The following FCHSD2 variants were observed in gnomAD, a reference collection of about 807,000 sequenced individuals.
FCHSD2 encodes FCH and double SH3 domains 2.
A neutral mutation model predicts 108.1 loss-of-function variants in FCHSD2; 38 were observed. The ratio of observed to expected loss-of-function variants is 0.35; its 90% CI spans 0.27 to 0.46. FCHSD2 has a LOEUF of 0.46. Among genes scored for constraint, FCHSD2 ranks in the 20% least tolerant of loss-of-function variants. The pLI, the probability that FCHSD2 is intolerant of heterozygous loss-of-function variation, is 1.00. For synonymous variants in FCHSD2, 279 were observed against 314.7 expected (o/e 0.89, Z 1.20); for missense variants, 751 against 897.8 (o/e 0.84, Z 2.09).
chr11:72,958,990 GAT>G (rs869028234), intron 8 of FCHSD2, among the ~76,000 whole-genome samples: 45 of 42,944 alleles, frequency 1.0e-3, no homozygotes, highest in South Asian at 2.2e-3. Flanking sequence ...TCATCAGTAA[GAT>G]ATGTGTGTGT....
At chr11:72,987,572 GTTAATA>G (rs1161238696) in intron 6 of FCHSD2, among the ~76,000 whole-genome samples, 7 of 152,150 alleles carry the variant, frequency 4.6e-5, no homozygotes, top group Admixed American at 1.3e-4. Flanking sequence ...TAGTTGAAAA[GTTAATA>G]TTAATATGTC....
intron 13 of FCHSD2, among the ~76,000 whole-genome samples, chr11:72,860,765 C>A (rs1861552867): frequency 6.6e-6 from 1 of 151,648 alleles, no homozygotes; most frequent in Non-Finnish European, 1.5e-5. Flanking sequence ...TTGCCGTCAG[C>A]TGAGATTGCA....
intron 13 of FCHSD2, among the ~76,000 whole-genome samples, chr11:72,858,415 C>T (rs537208541): frequency 2.6e-5 from 4 of 152,348 alleles, no homozygotes; most frequent in African/African-American, 4.8e-5. Context: ...GGTACATATA[C>T]ACCATGGAAT....
At chr11:72,863,787 C>T (rs1010200379) in intron 13 of FCHSD2, among the ~76,000 whole-genome samples, 1 of 152,312 alleles carries the variant, frequency 6.6e-6, no homozygotes, top group Admixed American at 6.5e-5. Flanking sequence ...TGATTTACAA[C>T]ATCACACCTA....
intron 17 of FCHSD2, 141 bp from the exon 18 acceptor site, chr11:72,841,724 T>A: frequency 2.4e-6 from 2 of 848,010 alleles, no homozygotes; most frequent in Non-Finnish European, 3.5e-6. Flanking sequence ...TAGAGGCAAC[T>A]GAGCATTAAA....
At chr11:73,005,153 C>T (rs1401100951) in intron 4 of FCHSD2, among the ~76,000 whole-genome samples, 1 of 152,188 alleles carries the variant, frequency 6.6e-6, no homozygotes, top group African/African-American at 2.4e-5. Flanking sequence ...TATAATATCT[C>T]CATTTGAAAA....
chr11:73,128,914 C>G (rs1346230764), intron 2 of FCHSD2, among the ~76,000 whole-genome samples: 1 of 152,124 alleles, frequency 6.6e-6, no homozygotes, highest in Non-Finnish European at 1.5e-5. Flanking sequence ...CTCTGTTGCC[C>G]AGGCTGGAGT....
chr11:72,956,500 T>C (rs577536496), intron 8 of FCHSD2, among the ~76,000 whole-genome samples: 1 of 152,358 alleles, frequency 6.6e-6, no homozygotes, highest in Non-Finnish European at 1.5e-5. Context: ...CAGGTTATTA[T>C]AATCAACTTT....
At chr11:72,956,052 C>A (rs1241781878) in intron 8 of FCHSD2, among the ~76,000 whole-genome samples, 1 of 152,072 alleles carries the variant, frequency 6.6e-6, no homozygotes, top group African/African-American at 2.4e-5. Flanking sequence ...ACATGATAAG[C>A]CTGGAACATC....
chr11:72,940,505 C>A lies in FCHSD2; in HGVS notation c.706-18555G>T, dbSNP rs543113931. On this transcript the variant is annotated intron_variant, in intron 8 of 19. Transcript: ENST00000409418. Reference sequence around the variant, plus strand: ...GCCATCAGGTAAGCCAAGATGGGTGCATACCCGCACATCCAGGAGCTATGG... The same window carrying A: ...GCCATCAGGTAAGCCAAGATGGGTGAATACCCGCACATCCAGGAGCTATGG... The A allele has an allele frequency of 7.0e-5, 56 of 798,772 alleles. No homozygotes were observed. In the South Asian group the frequency reaches 7.7e-4, roughly 11 times the overall value. 49.5% of individuals were successfully genotyped at this position (798,772 alleles called of 1,614,324 possible).
chr11:72,967,612 T>A (rs72981528), intron 8 of FCHSD2, among the ~76,000 whole-genome samples: 2,167 of 151,218 alleles, frequency 0.014, 29 homozygotes, highest in Middle Eastern at 0.038. Context: ...AACTAGGGAG[T>A]AGGGAGAACA....
chr11:72,923,388 T>C (rs1856011784), intron 8 of FCHSD2, among the ~76,000 whole-genome samples: 1 of 152,228 alleles, frequency 6.6e-6, no homozygotes, highest in Admixed American at 6.5e-5. Context: ...TGTTTTCCAG[T>C]GACTGCAACA....
chr11:72,855,464 A>C (rs1035307713), intron 13 of FCHSD2, among the ~76,000 whole-genome samples: 4 of 152,122 alleles, frequency 2.6e-5, no homozygotes, highest in Non-Finnish European at 5.9e-5. Context: ...TGACAGAGTG[A>C]GACTCCATCT....
At chr11:73,011,394 G>T (rs1857860837) in intron 4 of FCHSD2, among the ~76,000 whole-genome samples, 1 of 152,154 alleles carries the variant, frequency 6.6e-6, no homozygotes, top group South Asian at 2.1e-4. Flanking sequence ...AGGCTAGCAG[G>T]TGGGGAATAC....
intron 12 of FCHSD2, among the ~76,000 whole-genome samples, chr11:72,876,744 AAT>A (rs1422192738): frequency 6.6e-6 from 1 of 152,186 alleles, no homozygotes; most frequent in Non-Finnish European, 1.5e-5. Flanking sequence ...TTGTTCTATC[AAT>A]TACTGAAAGA....
At chr11:72,973,032 G>T (rs1028197849) in intron 8 of FCHSD2, among the ~76,000 whole-genome samples, 2 of 152,162 alleles carry the variant, frequency 1.3e-5, no homozygotes, top group African/African-American at 4.8e-5. Flanking sequence ...AGCACTGTTT[G>T]TAACAGTAAA....
chr11:73,121,464 G>A (rs1860733234), intron 2 of FCHSD2, among the ~76,000 whole-genome samples: 1 of 152,052 alleles, frequency 6.6e-6, no homozygotes, highest in African/African-American at 2.4e-5. Context: ...AAAATTAAAA[G>A]TTGTGATCTT....
chr11:72,842,282 C>T (rs569805158), intron 17 of FCHSD2, among the ~76,000 whole-genome samples: 12 of 152,340 alleles, frequency 7.9e-5, no homozygotes, highest in Middle Eastern at 3.4e-3. Flanking sequence ...AGTTTTACTA[C>T]GTAAATTAAC....
At chr11:72,966,712 T>A (rs2135379564) in intron 8 of FCHSD2, among the ~76,000 whole-genome samples, 1 of 152,184 alleles carries the variant, frequency 6.6e-6, no homozygotes, top group East Asian at 1.9e-4. Flanking sequence ...TTTCATGAAG[T>A]TTATAGTACA....
Sources: gnomAD v4.1 joint callset for allele counts (sites outside exome capture counted in the v4.1 genomes callset) on GRCh38, gnomAD v4.1.1 for gene constraint, MANE v1.5 for transcripts, NCBI Gene and HGNC (gene_info 2026-07-23, HGNC 2026-07-21) for gene names.